The following PLCB4 variants were observed in gnomAD, a reference collection of about 807,000 sequenced individuals.
PLCB4 encodes the protein phospholipase C beta 4.
In PLCB4, 77 loss-of-function variants were observed where a neutral mutation model predicts 178.8. The observed-to-expected ratio is 0.43, with a 90% CI of 0.36 to 0.52. The LOEUF (loss-of-function observed/expected upper bound fraction) is 0.52. Among genes scored for constraint, PLCB4 ranks in the 20% least tolerant of loss-of-function variants. The pLI is 0.00. For missense variants in PLCB4, 1,024 were observed against 1,453.4 expected (o/e 0.70, Z 4.80); for synonymous variants, 496 against 490.8 (o/e 1.01, Z -0.14).
intron 19 of PLCB4, 92 bp from the exon 20 acceptor site, chr20:9,401,398 A>G (rs965917065): frequency 7.4e-6 from 6 of 808,228 alleles, no homozygotes; most frequent in African/African-American, 1.7e-5. Context: ...TTTTTCTCTA[A>G]AAGTGCTTAT....
chr20:9,459,350 C>CG (rs565597872), intron 34 of PLCB4, among the ~76,000 whole-genome samples: 172 of 144,734 alleles, frequency 1.2e-3, no homozygotes, highest in African/African-American at 4.4e-3. Context: ...TCTAAAAAAA[C>CG]AAAACAAACA....
At chr20:9,351,708 T>A (rs2034362978) in intron 7 of PLCB4, among the ~76,000 whole-genome samples, 1 of 152,198 alleles carries the variant, frequency 6.6e-6, no homozygotes. Flanking sequence ...TAGAATTACC[T>A]ATAGATTTGA....
At chr20:9,442,847 C>T (rs187136787) in intron 30 of PLCB4, among the ~76,000 whole-genome samples, 152 of 152,250 alleles carry the variant, frequency 1.0e-3, no homozygotes, top group African/African-American at 3.4e-3. Flanking sequence ...TTTCCTTCTG[C>T]GGCCTGACCA....
At chr20:9,368,730 T>G (rs2035988538) in intron 9 of PLCB4, among the ~76,000 whole-genome samples, 2 of 151,988 alleles carry the variant, frequency 1.3e-5, no homozygotes, top group Non-Finnish European at 2.9e-5. Context: ...TAGCAAAGAG[T>G]GGGACTCCCT....
intron 2 of PLCB4, among the ~76,000 whole-genome samples, chr20:9,184,026 A>C (rs2093290311): frequency 6.6e-6 from 1 of 152,104 alleles, no homozygotes; most frequent in African/African-American, 2.4e-5. Flanking sequence ...GCAAGTTTAC[A>C]TTTTTTTCCT....
chr20:9,262,780 T>C (rs1191248893), intron 3 of PLCB4, among the ~76,000 whole-genome samples: 1 of 152,160 alleles, frequency 6.6e-6, no homozygotes. Flanking sequence ...TGTTCTCTGA[T>C]GAAAAGTGAA....
chr20:9,410,400 A>G (rs1380381302), intron 24 of PLCB4, among the ~76,000 whole-genome samples: 14 of 152,264 alleles, frequency 9.2e-5, no homozygotes, highest in Admixed American at 6.5e-4. Context: ...TGGCTAACCC[A>G]GCTTATGTTT....
rs145443018 is a variant in PLCB4 at position 9,457,506 on chromosome 20, T to G, written c.3072+17T>G. ...AAATCTAAGGTAAGAAAATGCCCAT[T>G]TTTACAGCAGTGACTTGCAGAAGAC... On this transcript the variant is annotated intron_variant, in intron 34 of 39. Coordinates refer to ENST00000378473, the MANE Select transcript of PLCB4 (RefSeq NM_001377142.1). 8.2e-7 allele frequency: 1 copy of G among 1,214,762 alleles called. No homozygotes were observed. The highest frequency in any genetic ancestry group is 1.5e-5 in the African/African-American group (1 of 67,136). The allele number at this position is 1,214,762 out of a possible 1,614,324, so 75.2% of individuals were successfully genotyped here.
chr20:9,464,168 C>G (rs1300101897), intron 35 of PLCB4, among the ~76,000 whole-genome samples: 1 of 152,148 alleles, frequency 6.6e-6, no homozygotes, highest in Admixed American at 6.5e-5. Context: ...ACAACCTGCT[C>G]CTGAATGACT....
intron 2 of PLCB4, among the ~76,000 whole-genome samples, chr20:9,127,272 T>C (rs1317170912): frequency 6.6e-6 from 1 of 152,162 alleles, no homozygotes; most frequent in African/African-American, 2.4e-5. Context: ...AACAAACTCC[T>C]AGGGAAAGCC....
intron 32 of PLCB4, among the ~76,000 whole-genome samples, chr20:9,450,259 A>AT (rs1195103594): frequency 2.0e-5 from 3 of 152,028 alleles, no homozygotes; most frequent in Non-Finnish European, 2.9e-5. Context: ...AATAATGGAC[A>AT]TTTTTTTTAA....
chr20:9,392,031 A>G (rs1188022385), intron 17 of PLCB4, among the ~76,000 whole-genome samples: 2 of 152,200 alleles, frequency 1.3e-5, no homozygotes, highest in African/African-American at 4.8e-5. Flanking sequence ...AGGGAACCCA[A>G]ACTAAGAAAC....
Position 9,100,984 on chromosome 20 carries a change from C to G in PLCB4, c.-79+4642C>G, listed in dbSNP as rs866013661. On this transcript the variant is annotated intron_variant, in intron 2 of 39. Transcript: ENST00000378473. Reference sequence around the variant, plus strand: ...ATGATTTTTATGTGGGTAGGCTGCCCGCCTGTGAGGTGAAGTTTCTGGTGG... The same window carrying G: ...ATGATTTTTATGTGGGTAGGCTGCCGGCCTGTGAGGTGAAGTTTCTGGTGG... 3.3e-5 allele frequency among the ~76,000 whole-genome samples: 5 copies of G among 152,074 alleles called. No individual in the cohort carries two copies. The South Asian group carries it at 1.0e-3, about 32-fold the overall frequency.
chr20:9,225,296 T>A lies in PLCB4; in HGVS notation c.-16+7844T>A, dbSNP rs142618669. On this transcript the variant is annotated intron_variant, in intron 3 of 39. Transcript: ENST00000378473. The stretch of plus-strand genomic sequence containing the variant: ...AAGCATTAACCATAAATTATAGTAG[T>A]GGGATACATTTGAAAACAAAATGTT... Among the ~76,000 whole-genome samples the A allele has an allele frequency of 1.9e-3, 296 of 152,292 alleles. 2 individuals carry two copies. Among genetic ancestry groups the A allele is most frequent in the African/African-American group, 6.7e-3 (277 of 41,570 alleles).
At chr20:9,070,947 G>A (rs980052563) in intron 1 of PLCB4, among the ~76,000 whole-genome samples, 2 of 152,052 alleles carry the variant, frequency 1.3e-5, no homozygotes, top group Admixed American at 6.5e-5. Context: ...TAAATCTGTC[G>A]GAATAACTCT....
intron 3 of PLCB4, among the ~76,000 whole-genome samples, chr20:9,234,542 ATGTTTCAAATAAGAGAGAGTAGTTCAT>A (rs1199217265): frequency 6.6e-6 from 1 of 152,148 alleles, no homozygotes; most frequent in African/African-American, 2.4e-5. Flanking sequence ...AAGAAAGAGA[ATGTTTCAAATAAGAGAGAGTAGTTCAT>A]TGGGTCAAAT....
In PLCB4 at chr20:9,152,429, C is replaced by T. The variant is rs1218661584; in HGVS notation, c.-79+56087C>T. Among the ~76,000 whole-genome samples the T allele has an allele frequency of 7.2e-5, 11 of 152,238 alleles. No individual in the cohort carries two copies. The East Asian group carries it at 2.1e-3, about 30-fold the overall frequency. ...GCCTAGGGACATAGTGCCTTGTGTCCAAGCTGCTCCAGCCATGGCTGAAAG... is the reference window on the plus strand; with the variant it reads ...GCCTAGGGACATAGTGCCTTGTGTCTAAGCTGCTCCAGCCATGGCTGAAAG... On this transcript the variant is annotated intron_variant, in intron 2 of 39. Transcript: ENST00000378473.
intron 4 of PLCB4, among the ~76,000 whole-genome samples, chr20:9,327,237 G>C (rs1007233210): frequency 6.6e-6 from 1 of 151,848 alleles, no homozygotes; most frequent in Non-Finnish European, 1.5e-5. Context: ...CCAGGAGTTC[G>C]AGTTCAGCCT....
intron 3 of PLCB4, among the ~76,000 whole-genome samples, chr20:9,291,105 T>C (rs1423931813): frequency 6.6e-6 from 1 of 152,164 alleles, no homozygotes; most frequent in African/African-American, 2.4e-5. Flanking sequence ...AATAGTGTAA[T>C]ATATAATCAA....
Sources: gnomAD v4.1 joint callset for allele counts (sites outside exome capture counted in the v4.1 genomes callset) on GRCh38, gnomAD v4.1.1 for gene constraint, MANE v1.5 for transcripts, NCBI Gene and HGNC (gene_info 2026-07-23, HGNC 2026-07-21) for gene names.